The following SLC22A4 variants were observed in gnomAD, a reference collection of about 807,000 sequenced individuals.
SLC22A4 encodes solute carrier family 22 member 4.
A neutral mutation model predicts 56.6 loss-of-function variants in SLC22A4; 39 were observed. That is an observed-to-expected ratio of 0.69 (90% CI 0.53 to 0.90). The LOEUF (loss-of-function observed/expected upper bound fraction) is 0.90. SLC22A4 is among the 40% of genes least tolerant of loss of function. The probability of loss-of-function intolerance (pLI) is 0.00; values close to 1 mark genes in which losing one functional copy is unlikely to be tolerated. For missense variants in SLC22A4, 594 were observed against 696.5 expected (o/e 0.85, Z 1.66); for synonymous variants, 241 against 281.4 (o/e 0.86, Z 1.44).
At chr5:132,299,404 ATTT>A (rs1749855691) in intron 1 of SLC22A4, among the ~76,000 whole-genome samples, 4 of 29,602 alleles carry the variant, frequency 1.4e-4, no homozygotes, top group African/African-American at 3.7e-4. Flanking sequence ...GTTTTATTTT[ATTT>A]TATTTTATTT....
chr5:132,312,269 G>A lies in SLC22A4; in HGVS notation c.497+5G>A. On this transcript the variant is annotated splice_donor_5th_base_variant and intron_variant, in intron 2 of 9. Transcript: ENST00000200652. ...GTCCGGGCAGCTGTCAGACAGGTAA[G>A]CACATGGGAGGGGAGGAAGGTGGGA... 6.3e-7 allele frequency: 1 copy of A among 1,578,802 alleles called. No homozygotes were observed. Among genetic ancestry groups the A allele is most frequent in the South Asian group, 1.1e-5 (1 of 90,358 alleles).
At chr5:132,297,933 GC>G (rs1287729705) in intron 1 of SLC22A4, among the ~76,000 whole-genome samples, 1 of 152,108 alleles carries the variant, frequency 6.6e-6, no homozygotes, top group Admixed American at 6.5e-5. Context: ...GGGTGACAGG[GC>G]AAGACCCCAC....
intron 1 of SLC22A4, chr5:132,295,414 A>G: frequency 2.4e-6 from 1 of 418,832 alleles, no homozygotes; most frequent in Non-Finnish European, 4.7e-6. Flanking sequence ...GCGGGGCCAA[A>G]TCTTGTCTGT....
chr5:132,324,192 A>G (rs34376246), intron 4 of SLC22A4, among the ~76,000 whole-genome samples: 8,767 of 151,928 alleles, frequency 0.058, 495 homozygotes, highest in East Asian at 0.24. Context: ...TGCTGTCTCA[A>G]AAAAAAAGTT....
chr5:132,302,676 C>G (rs1273491380), intron 1 of SLC22A4, among the ~76,000 whole-genome samples: 1 of 152,214 alleles, frequency 6.6e-6, no homozygotes, highest in Non-Finnish European at 1.5e-5. Context: ...TGGTGACTGG[C>G]ACAGACACGA....
intron 9 of SLC22A4, among the ~76,000 whole-genome samples, chr5:132,342,982 C>A (rs1034562821): frequency 2.6e-5 from 4 of 152,194 alleles, no homozygotes; most frequent in Non-Finnish European, 4.4e-5. Context: ...GCTTCTAATC[C>A]AGGCTTAGTC....
intron 6 of SLC22A4, among the ~76,000 whole-genome samples, 176 bp from the exon 7 acceptor site, chr5:132,334,542 G>A (rs1580845873): frequency 6.6e-6 from 1 of 152,346 alleles, no homozygotes; most frequent in East Asian, 1.9e-4. Flanking sequence ...AGTGTGGCTA[G>A]TGTAACTAAG....
At chr5:132,304,198 A>T (rs1284940011) in intron 1 of SLC22A4, among the ~76,000 whole-genome samples, 5 of 152,240 alleles carry the variant, frequency 3.3e-5, no homozygotes. Flanking sequence ...AAGAGGCTTG[A>T]CGTCAACTGG....
chr5:132,325,795 G>T (rs1750670618), intron 4 of SLC22A4, among the ~76,000 whole-genome samples: 1 of 152,176 alleles, frequency 6.6e-6, no homozygotes, highest in Non-Finnish European at 1.5e-5. Context: ...CAGAGGCAGG[G>T]CTTGGACACT....
chr5:132,330,684 C>T (rs1235991659), intron 5 of SLC22A4, among the ~76,000 whole-genome samples: 1 of 152,098 alleles, frequency 6.6e-6, no homozygotes. Flanking sequence ...TGAGATCGCG[C>T]CACTGTACTC....
intron 5 of SLC22A4, among the ~76,000 whole-genome samples, chr5:132,329,598 A>T (rs1446244839): frequency 1.3e-5 from 2 of 152,178 alleles, no homozygotes; most frequent in Non-Finnish European, 2.9e-5. Flanking sequence ...CATGCTCTTA[A>T]CAACTGTGAT....
intron 1 of SLC22A4, among the ~76,000 whole-genome samples, chr5:132,296,410 C>T (rs765622375): frequency 1.2e-4 from 18 of 152,206 alleles, no homozygotes; most frequent in African/African-American, 2.2e-4. Flanking sequence ...AGGCCAGGTT[C>T]GTGCTTTTGG....
intron 6 of SLC22A4, among the ~76,000 whole-genome samples, chr5:132,334,143 T>A (rs1023161899): frequency 6.6e-6 from 1 of 152,174 alleles, no homozygotes; most frequent in African/African-American, 2.4e-5. Context: ...TTAACTATAA[T>A]GACAGAATAT....
At position 132,335,888 on chromosome 5, in the gene SLC22A4, G is replaced by GTA; in HGVS notation, c.1334_1335dup (p.Val446MetfsTer52). ...GGATCACCTCTGCTTTCTCCATGCT[G>GTA]TATGTCTTCACTGCTGAGCTCTACC... On this transcript the variant is annotated frameshift_variant, in exon 8 of 10. Transcript: ENST00000200652. LOFTEE classifies it high-confidence loss of function. The GTA allele has an allele frequency of 2.5e-6, 4 of 1,614,100 alleles. No homozygotes were observed. Among genetic ancestry groups the GTA allele is most frequent in the Non-Finnish European group, 3.4e-6 (4 of 1,179,998 alleles).
chr5:132,328,393 C>G (rs1750740167), intron 5 of SLC22A4, among the ~76,000 whole-genome samples: 1 of 152,142 alleles, frequency 6.6e-6, no homozygotes, highest in Non-Finnish European at 1.5e-5. Flanking sequence ...CTGCTCACCC[C>G]CACGGCTTCC....
Position 132,295,007 on chromosome 5 carries a change from G to C in SLC22A4, c.391G>C (p.Glu131Gln). ...CGTCTACCTGTCCACCGTCGTGACCGAGGTGGGTGCCAGGCCGAGACCGTT... is the reference window on the plus strand; with the variant it reads ...CGTCTACCTGTCCACCGTCGTGACCCAGGTGGGTGCCAGGCCGAGACCGTT... ...QDVYLSTVVT[E>Q]WNLVCEDNWK... is the part of the protein sequence containing the mutation. Residue 131 changes from glutamate (E) to glutamine (Q), a missense_variant and splice_region_variant, in exon 1 of 10, where the codon GAG becomes CAG. Transcript: ENST00000200652. 1 of 1,604,926 alleles carries C rather than the reference G, an allele frequency of 6.2e-7. No individual in the cohort carries two copies. Among genetic ancestry groups the C allele is most frequent in the Non-Finnish European group, 8.5e-7 (1 of 1,176,432 alleles).
At chr5:132,322,448 C>T in intron 4 of SLC22A4, 93 bp downstream of exon 4, 2 of 1,307,828 alleles carry the variant, frequency 1.5e-6, no homozygotes, top group Non-Finnish European at 2.2e-6. Flanking sequence ...CCTGGGCTTG[C>T]ATGACCTCCA....
chr5:132,315,495 C>A (rs774407569), intron 3 of SLC22A4, among the ~76,000 whole-genome samples: 2 of 152,110 alleles, frequency 1.3e-5, no homozygotes, highest in African/African-American at 4.8e-5. Context: ...CCTGTGTGAG[C>A]GGGTGAGGCA....
chr5:132,328,322 G>A (rs1580840469), intron 5 of SLC22A4, among the ~76,000 whole-genome samples: 1 of 152,142 alleles, frequency 6.6e-6, no homozygotes, highest in Non-Finnish European at 1.5e-5. Flanking sequence ...CATTATACAT[G>A]CCCTGCACCA....
Sources: gnomAD v4.1 joint callset for allele counts (sites outside exome capture counted in the v4.1 genomes callset) on GRCh38, gnomAD v4.1.1 for gene constraint, MANE v1.5 for transcripts, NCBI Gene and HGNC (gene_info 2026-07-23, HGNC 2026-07-21) for gene names.